Variants in PDS5B observed in about 807,000 individuals in gnomAD.
PDS5B encodes sister chromatid cohesion protein PDS5 homolog B.
Under a neutral mutation model 184.1 loss-of-function variants are expected in PDS5B, and 51 were observed. That is an observed-to-expected ratio of 0.28 (90% CI 0.22 to 0.35). The LOEUF is 0.35. Ranked by LOEUF, PDS5B falls within the 10% of genes least tolerant of loss-of-function variation. The probability of loss-of-function intolerance (pLI) is 1.00; values close to 1 mark genes in which losing one functional copy is unlikely to be tolerated. For synonymous variants in PDS5B, 566 were observed against 569.2 expected (o/e 0.99, Z 0.08); for missense variants, 1,180 against 1,723.3 (o/e 0.68, Z 5.58).
At chr13:32,628,888 C>A (rs896275817) in intron 1 of PDS5B, among the ~76,000 whole-genome samples, 1 of 152,006 alleles carries the variant, frequency 6.6e-6, no homozygotes, top group African/African-American at 2.4e-5. Context: ...TTGTTTTAAA[C>A]AGTGCTAAGA....
intron 15 of PDS5B, among the ~76,000 whole-genome samples, chr13:32,697,248 T>G (rs1228324443): frequency 6.6e-6 from 1 of 152,234 alleles, no homozygotes; most frequent in Non-Finnish European, 1.5e-5. Context: ...TTTGCTTTTT[T>G]GCTTTAGGTG....
chr13:32,703,005 G>A (rs1158476281), intron 17 of PDS5B, among the ~76,000 whole-genome samples: 1 of 152,276 alleles, frequency 6.6e-6, no homozygotes, highest in East Asian at 1.9e-4. Context: ...TGGGTATGGG[G>A]AATAAAGGCA....
intron 19 of PDS5B, among the ~76,000 whole-genome samples, chr13:32,721,069 A>G (rs1952662352): frequency 6.6e-6 from 1 of 152,188 alleles, no homozygotes; most frequent in Non-Finnish European, 1.5e-5. Context: ...TAACAATCTG[A>G]TCTCTCTTTC....
At chr13:32,591,320 T>G (rs2057772251) in intron 1 of PDS5B, among the ~76,000 whole-genome samples, 1 of 151,936 alleles carries the variant, frequency 6.6e-6, no homozygotes, top group South Asian at 2.1e-4. Context: ...GTAGAGACTG[T>G]GTTGGCCAGG....
At chr13:32,679,580 G>C (rs1951173236) in intron 10 of PDS5B, among the ~76,000 whole-genome samples, 1 of 151,876 alleles carries the variant, frequency 6.6e-6, no homozygotes, top group Non-Finnish European at 1.5e-5. Flanking sequence ...AGGTTGCAGT[G>C]AGCTGAGATT....
intron 19 of PDS5B, among the ~76,000 whole-genome samples, chr13:32,720,170 G>A (rs1025821680): frequency 2.0e-5 from 3 of 152,206 alleles, no homozygotes; most frequent in Admixed American, 6.5e-5. Context: ...CAAAGAGAAT[G>A]AACAGGAAAT....
chr13:32,628,683 A>G (rs2058408169), intron 1 of PDS5B, among the ~76,000 whole-genome samples: 2 of 152,104 alleles, frequency 1.3e-5, no homozygotes, highest in African/African-American at 2.4e-5. Flanking sequence ...TACCAAATAT[A>G]CTATTAAACC....
intron 33 of PDS5B, 195 bp downstream of exon 33, chr13:32,770,956 G>C: frequency 1.7e-6 from 1 of 573,642 alleles, no homozygotes; most frequent in Admixed American, 3.2e-5. Flanking sequence ...ACAGGTGCAG[G>C]CAAATCTTCA....
chr13:32,653,070 G>A (rs1359889703), intron 3 of PDS5B, among the ~76,000 whole-genome samples: 1 of 152,096 alleles, frequency 6.6e-6, no homozygotes, highest in African/African-American at 2.4e-5. Flanking sequence ...GAGGTGGGCC[G>A]ATCACCTGAG....
intron 9 of PDS5B, among the ~76,000 whole-genome samples, chr13:32,676,862 T>TGGA (rs1951078636): frequency 7.8e-6 from 1 of 128,460 alleles, no homozygotes; most frequent in African/African-American, 3.0e-5. Context: ...ACCCGGGAGG[T>TGGA]GGAGCTTGCA....
chr13:32,642,789 GTAT>G (rs1950132794), intron 1 of PDS5B, among the ~76,000 whole-genome samples: 1 of 151,906 alleles, frequency 6.6e-6, no homozygotes, highest in African/African-American at 2.4e-5. Context: ...TTTATTCTGT[GTAT>G]TATTACCACT....
chr13:32,652,071 T>C (rs778373055), intron 3 of PDS5B, 64 bp downstream of exon 3: 1 of 1,115,866 alleles, frequency 9.0e-7, no homozygotes, highest in Non-Finnish European at 1.4e-6. Flanking sequence ...CTAACTAAAA[T>C]GGGAGTTAAG....
chr13:32,655,085 T>C (rs1320663948), intron 3 of PDS5B, among the ~76,000 whole-genome samples: 3 of 152,008 alleles, frequency 2.0e-5, no homozygotes, highest in Non-Finnish European at 4.4e-5. Flanking sequence ...CTGTTTTCAG[T>C]TCTTTGAGAA....
chr13:32,733,399 G>A (rs563627410), intron 20 of PDS5B, among the ~76,000 whole-genome samples: 1 of 152,086 alleles, frequency 6.6e-6, no homozygotes, highest in African/African-American at 2.4e-5. Context: ...AAATGATTTT[G>A]TTATGGAAAA....
At chr13:32,733,573 A>G (rs1438801055) in intron 20 of PDS5B, among the ~76,000 whole-genome samples, 1 of 152,182 alleles carries the variant, frequency 6.6e-6, no homozygotes, top group Non-Finnish European at 1.5e-5. Context: ...GAAGCCTCAC[A>G]TTGCCCTAAT....
chr13:32,618,295 C>T (rs575862235), intron 1 of PDS5B, among the ~76,000 whole-genome samples: 2 of 152,238 alleles, frequency 1.3e-5, no homozygotes, highest in South Asian at 2.1e-4. Context: ...TGGTCCTACC[C>T]GAGGTTTTGC....
intron 28 of PDS5B, among the ~76,000 whole-genome samples, chr13:32,759,294 G>A (rs987085643): frequency 6.6e-6 from 1 of 152,152 alleles, no homozygotes; most frequent in Non-Finnish European, 1.5e-5. Flanking sequence ...GGATTGCTCA[G>A]TAGCTAAAAG....
At chr13:32,748,315 A>G (rs1953835454) in intron 24 of PDS5B, among the ~76,000 whole-genome samples, 1 of 152,102 alleles carries the variant, frequency 6.6e-6, no homozygotes, top group Non-Finnish European at 1.5e-5. Flanking sequence ...TTTTCCAGAA[A>G]TGTCCTGTTG....
rs77551128 is a variant in PDS5B at position 32,679,623 on chromosome 13, C to G, written c.1057+694C>G. On this transcript the variant is annotated intron_variant, in intron 10 of 34. Coordinates refer to ENST00000315596, the MANE Select transcript of PDS5B (RefSeq NM_015032.4). ...TGCACTCCAGCCTGGTCAACAAGAG[C>G]GAAACTCTTTATCTCAAAAAAAAAA... Among the ~76,000 whole-genome samples the G allele has an allele frequency of 4.6e-3, 694 of 150,282 alleles. 1 individual carries two copies. The highest frequency in any genetic ancestry group is 7.3e-3 in the Non-Finnish European group (494 of 67,606).
Sources: allele counts gnomAD v4.1 joint callset (sites outside exome capture counted in the v4.1 genomes callset), GRCh38; gene constraint gnomAD v4.1.1; transcripts MANE v1.5; gene names NCBI Gene and HGNC (gene_info 2026-07-23, HGNC 2026-07-21).